Variants in AKAP13 observed in about 807,000 individuals in gnomAD.
The protein encoded by AKAP13 is A-kinase anchor protein 13.
A neutral mutation model predicts 264.5 loss-of-function variants in AKAP13; 80 were observed. The observed-to-expected ratio is 0.30, with a 90% CI of 0.25 to 0.36. The LOEUF is 0.36. AKAP13 is among the 10% of genes least tolerant of loss of function. The probability of loss-of-function intolerance (pLI) is 1.00; values close to 1 mark genes in which losing one functional copy is unlikely to be tolerated. For missense variants in AKAP13, 3,712 were observed against 3,435.2 expected (o/e 1.08, Z -2.01); for synonymous variants, 1,380 against 1,250.2 (o/e 1.10, Z -2.19).
chr15:85,487,365 C>T (rs2075586856), intron 2 of AKAP13, among the ~76,000 whole-genome samples: 1 of 152,194 alleles, frequency 6.6e-6, no homozygotes, highest in South Asian at 2.1e-4. Context: ...TCCAAGCTTT[C>T]ACCAGTAAGT....
chr15:85,644,413 TG>T (rs2082451061), intron 9 of AKAP13, among the ~76,000 whole-genome samples: 1 of 151,822 alleles, frequency 6.6e-6, no homozygotes, highest in African/African-American at 2.4e-5. Context: ...GCTAATTTTT[TG>T]TATTTTTAGT....
chr15:85,414,468 G>T (rs537324538), intron 1 of AKAP13, among the ~76,000 whole-genome samples: 1 of 152,214 alleles, frequency 6.6e-6, no homozygotes, highest in Admixed American at 6.5e-5. Flanking sequence ...AATTAACAAG[G>T]TTTCTATACA....
At chr15:85,605,404 T>C (rs926564935) in intron 8 of AKAP13, among the ~76,000 whole-genome samples, 8 of 152,210 alleles carry the variant, frequency 5.3e-5, no homozygotes, top group South Asian at 2.1e-4. Flanking sequence ...TTCTCACTTA[T>C]AAGGGGGAGC....
chr15:85,449,258 A>AT (rs2074002441), intron 1 of AKAP13, among the ~76,000 whole-genome samples: 1 of 152,026 alleles, frequency 6.6e-6, no homozygotes, highest in Admixed American at 6.6e-5. Flanking sequence ...AATGCTAGTG[A>AT]TTTTTGTACA....
At position 85,645,915 on chromosome 15, in the gene AKAP13, C is replaced by T. The variant is rs2082540427; in HGVS notation, c.4335C>T (p.His1445=). ...RESGSDSDLF[H]SPSDDMDSII... ...CTGGGAGTGATTCTGACCTCTTTCA[C>T]TCACCCAGTGATGACATGGACAGCA... Residue 1445 remains histidine (H), a synonymous_variant, in exon 10 of 37, where the codon CAC becomes CAT. Transcript: ENST00000394518. 1.2e-6 allele frequency: 2 copies of T among 1,613,824 alleles called. No individual in the cohort carries two copies. Among genetic ancestry groups the T allele is most frequent in the Middle Eastern group, 1.6e-4 (1 of 6,062 alleles).
chr15:85,506,382 A>T (rs1190842220), intron 2 of AKAP13, among the ~76,000 whole-genome samples: 1 of 152,234 alleles, frequency 6.6e-6, no homozygotes, highest in Non-Finnish European at 1.5e-5. Context: ...TAGAACAACG[A>T]GACATACCTT....
chr15:85,583,306 G>A, intron 7 of AKAP13: 2 of 551,698 alleles, frequency 3.6e-6, no homozygotes, highest in African/African-American at 4.1e-5. Flanking sequence ...AAGTTGCTTT[G>A]GAAGAAGCGC....
intron 1 of AKAP13, among the ~76,000 whole-genome samples, chr15:85,397,925 T>C (rs1283074666): frequency 6.6e-6 from 1 of 152,236 alleles, no homozygotes; most frequent in Non-Finnish European, 1.5e-5. Flanking sequence ...TAGTAAGTAC[T>C]CTACAAACCC....
intron 12 of AKAP13, chr15:85,662,285 CGTCT>C: frequency 1.8e-6 from 2 of 1,130,708 alleles, no homozygotes; most frequent in Non-Finnish European, 2.6e-6. Context: ...CGCATAAATC[CGTCT>C]GTCTCTAACT....
chr15:85,390,513 C>G (rs2070803166), intron 1 of AKAP13, among the ~76,000 whole-genome samples: 1 of 152,100 alleles, frequency 6.6e-6, no homozygotes, highest in Admixed American at 6.5e-5. Context: ...AGCCAGAGAC[C>G]AGATCAAATA....
At chr15:85,595,889 A>G (rs1403047693) in intron 8 of AKAP13, among the ~76,000 whole-genome samples, 1 of 152,228 alleles carries the variant, frequency 6.6e-6, no homozygotes, top group African/African-American at 2.4e-5. Flanking sequence ...AAATGGAAGT[A>G]TTCAGTAGTA....
intron 1 of AKAP13, among the ~76,000 whole-genome samples, chr15:85,427,836 T>A (rs2072865517): frequency 6.6e-6 from 1 of 152,184 alleles, no homozygotes; most frequent in African/African-American, 2.4e-5. Context: ...GCTAAGTTGA[T>A]CTTGAATTAC....
chr15:85,723,335 T>C lies in AKAP13; in HGVS notation c.6745+15T>C. 4 of 1,612,844 alleles carry C rather than the reference T, an allele frequency of 2.5e-6. No individual in the cohort carries two copies. The highest frequency in any genetic ancestry group is 3.4e-6 in the Non-Finnish European group (4 of 1,179,100). On this transcript the variant is annotated intron_variant, in intron 26 of 36. Coordinates refer to ENST00000394518, the MANE Select transcript of AKAP13 (RefSeq NM_007200.5). The stretch of plus-strand genomic sequence containing the variant: ...AAGGTTGAAAGGTAAGGCTTGGCTC[T>C]TTTGTCTTAAGTATGTGCCCAGGTA...
At chr15:85,539,401 A>G (rs2077511051) in intron 4 of AKAP13, among the ~76,000 whole-genome samples, 1 of 152,128 alleles carries the variant, frequency 6.6e-6, no homozygotes, top group South Asian at 2.1e-4. Flanking sequence ...TTCCTGCATC[A>G]TGTGGGACTT....
intron 33 of AKAP13, among the ~76,000 whole-genome samples, chr15:85,737,629 C>A (rs1418600156): frequency 6.6e-6 from 1 of 152,066 alleles, no homozygotes; most frequent in Admixed American, 6.6e-5. Context: ...CTGAAGGAAT[C>A]CTTCAGTGTG....
chr15:85,476,923 A>T (rs1445612320), intron 1 of AKAP13, among the ~76,000 whole-genome samples: 2 of 152,164 alleles, frequency 1.3e-5, no homozygotes, highest in African/African-American at 4.8e-5. Flanking sequence ...GTGTCTGTGG[A>T]TGCAGCATTT....
chr15:85,748,543 T>A lies in AKAP13; in HGVS notation c.*3866T>A, dbSNP rs535963539. On this transcript the variant is annotated 3_prime_UTR_variant, in exon 37 of 37. Coordinates refer to ENST00000394518, the MANE Select transcript of AKAP13 (RefSeq NM_007200.5). ...GGAGTTTGGGCTTGGTTTTGAACTT[T>A]CCTTTCAATGTAGCAAAGCATTCCT... 1 of 151,142 alleles carries A rather than the reference T, an allele frequency of 6.6e-6. No homozygotes were observed. The highest frequency in any genetic ancestry group is 2.4e-5 in the African/African-American group (1 of 41,368). The allele number at this position is 151,142 out of a possible 1,614,324, so 9.4% of individuals were successfully genotyped here.
chr15:85,572,749 C>G (rs531588877), intron 5 of AKAP13, among the ~76,000 whole-genome samples: 5 of 151,988 alleles, frequency 3.3e-5, no homozygotes, highest in Admixed American at 3.3e-4. Context: ...ATACACGTGC[C>G]GTGGAGGTTT....
At chr15:85,568,680 T>TTA in intron 5 of AKAP13, among the ~76,000 whole-genome samples, 1 of 152,206 alleles carries the variant, frequency 6.6e-6, no homozygotes. Context: ...GCTCTTTGCT[T>TTA]TATATATCTA....
Sources: gnomAD v4.1 joint callset for allele counts (sites outside exome capture counted in the v4.1 genomes callset) on GRCh38, gnomAD v4.1.1 for gene constraint, MANE v1.5 for transcripts, NCBI Gene and HGNC (gene_info 2026-07-23, HGNC 2026-07-21) for gene names.